DEPDC5: variants seen among roughly 807,000 people sequenced by gnomAD.
The protein encoded by DEPDC5 is DEP domain containing 5, GATOR1 subcomplex subunit, also known as GATOR1 complex protein DEPDC5.
In DEPDC5, 73 loss-of-function variants were observed where a neutral mutation model predicts 217.3. The observed-to-expected ratio is 0.34, with a 90% CI of 0.28 to 0.41. DEPDC5 has a LOEUF of 0.41. Ranked by LOEUF, DEPDC5 falls within the 10% of genes least tolerant of loss-of-function variation. The pLI is 1.00. For missense variants in DEPDC5, 1,675 were observed against 2,070.1 expected (o/e 0.81, Z 3.70); for synonymous variants, 733 against 756.7 (o/e 0.97, Z 0.51).
At chr22:31,808,137 GT>G (rs1049424509) in intron 18 of DEPDC5, among the ~76,000 whole-genome samples, 6 of 151,876 alleles carry the variant, frequency 4.0e-5, no homozygotes, top group African/African-American at 1.5e-4. Context: ...GTCTCGCTCT[GT>G]CATGCCCAGT....
At chr22:31,857,637 C>A in intron 32 of DEPDC5, 84 bp downstream of exon 32, 2 of 1,162,488 alleles carry the variant, frequency 1.7e-6, no homozygotes, top group East Asian at 2.6e-5. Flanking sequence ...CCTTCAGATC[C>A]GGGATTGCAT....
At chr22:31,894,598 G>A (rs1446001306) in intron 39 of DEPDC5, 2 of 152,104 alleles carry the variant, frequency 1.3e-5, no homozygotes, top group Non-Finnish European at 2.9e-5. Context: ...GGAGGTTCAC[G>A]CCTTGGGAGG....
chr22:31,870,394 T>C (rs2092807900), intron 33 of DEPDC5, among the ~76,000 whole-genome samples, 196 bp from the exon 34 acceptor site: 1 of 152,166 alleles, frequency 6.6e-6, no homozygotes, highest in Non-Finnish European at 1.5e-5. Context: ...CAAGACTGGG[T>C]AGAGTCTCTA....
intron 7 of DEPDC5, among the ~76,000 whole-genome samples, chr22:31,771,083 C>T (rs2083315187): frequency 6.6e-6 from 1 of 152,088 alleles, no homozygotes; most frequent in African/African-American, 2.4e-5. Context: ...CGCACGCGGC[C>T]CCCATCAACT....
At chr22:31,842,965 A>T (rs916422523) in intron 27 of DEPDC5, 130 bp from the exon 28 acceptor site, 15 of 702,020 alleles carry the variant, frequency 2.1e-5, no homozygotes, top group Non-Finnish European at 3.0e-5. Context: ...ACCAAGAATA[A>T]CTTTCTTCCA....
At chr22:31,786,972 G>T (rs558008426) in intron 10 of DEPDC5, among the ~76,000 whole-genome samples, 2 of 152,138 alleles carry the variant, frequency 1.3e-5, no homozygotes, top group Admixed American at 1.3e-4. Context: ...TAGAGACAGG[G>T]TTTTACCATG....
chr22:31,850,080 C>T (rs1377574738), intron 31 of DEPDC5, among the ~76,000 whole-genome samples: 2 of 152,092 alleles, frequency 1.3e-5, no homozygotes, highest in African/African-American at 4.8e-5. Flanking sequence ...GATTGTGCCA[C>T]TAAACTCCAG....
chr22:31,826,437 T>C (rs1004266667), intron 24 of DEPDC5: 1 of 422,138 alleles, frequency 2.4e-6, no homozygotes, highest in South Asian at 1.7e-5. Context: ...AGGCATTTCT[T>C]GTGCTCCTCA....
intron 20 of DEPDC5, chr22:31,814,526 T>C (rs182469415): frequency 6.2e-6 from 1 of 161,898 alleles, no homozygotes; most frequent in African/African-American, 2.4e-5. Flanking sequence ...TTTGGCTGAT[T>C]GTTGCCTTGT....
At chr22:31,766,345 C>G (rs555039878) in intron 5 of DEPDC5, among the ~76,000 whole-genome samples, 4 of 152,282 alleles carry the variant, frequency 2.6e-5, no homozygotes, top group South Asian at 2.1e-4. Flanking sequence ...ATGAGTCCCC[C>G]ACTACCCATC....
intron 12 of DEPDC5, among the ~76,000 whole-genome samples, chr22:31,793,370 A>G (rs1164161117): frequency 6.6e-6 from 1 of 152,140 alleles, no homozygotes; most frequent in Non-Finnish European, 1.5e-5. Context: ...ACATTCAGAG[A>G]AGAAGAGCAA....
Position 31,802,771 on chromosome 22 carries a change from C to G in DEPDC5, c.1014C>G (p.Pro338=). 1.2e-6 allele frequency: 2 copies of G among 1,605,678 alleles called. No homozygotes were observed. Among genetic ancestry groups the G allele is most frequent in the African/African-American group, 1.3e-5 (1 of 74,738 alleles). The change falls in exon 15 of 43, where the codon CCC becomes CCG. Residue 338 remains proline (P), a synonymous_variant. Coordinates refer to ENST00000651528, the MANE Select transcript of DEPDC5 (RefSeq NM_001242896.3). ...RTGQMSVVIT[P]GVGVFEVDRL... ...GGCAGATGTCAGTGGTGATCACGCC[C>G]GGGGTGGGTGTCTTTGAAGTGGACC...
chr22:31,842,056 CT>C (rs1252079676), intron 27 of DEPDC5, among the ~76,000 whole-genome samples: 4 of 152,218 alleles, frequency 2.6e-5, no homozygotes, highest in Admixed American at 2.6e-4. Context: ...GGACATGGCA[CT>C]TTATCAGGTG....
rs554872197 is a variant in DEPDC5 at position 31,854,456 on chromosome 22, C to T, written c.3156-2989C>T. On this transcript the variant is annotated intron_variant, in intron 31 of 42. Transcript: ENST00000651528. ...AGTGGACAAGGAAAATAATCTAGCA[C>T]CTAGTTTTTTGTCCTGTGAATTACA... is the stretch of plus-strand genomic sequence containing the variant. 1.1e-4 allele frequency among the ~76,000 whole-genome samples: 16 copies of T among 152,284 alleles called. No individual in the cohort carries two copies. In the East Asian group the frequency reaches 2.9e-3, roughly 28 times the overall value.
chr22:31,793,969 T>A (rs1252560989), intron 12 of DEPDC5, among the ~76,000 whole-genome samples: 1 of 152,170 alleles, frequency 6.6e-6, no homozygotes, highest in Non-Finnish European at 1.5e-5. Context: ...TTTACATGAC[T>A]TGATTTATTT....
chr22:31,803,309 C>G (rs2087087329), intron 15 of DEPDC5, among the ~76,000 whole-genome samples: 1 of 151,974 alleles, frequency 6.6e-6, no homozygotes, highest in South Asian at 2.1e-4. Flanking sequence ...CTCCTGGGTT[C>G]ACACTATTCT....
intron 28 of DEPDC5, 105 bp from the exon 29 acceptor site, chr22:31,843,540 G>A (rs1287139094): frequency 2.2e-6 from 3 of 1,375,838 alleles, no homozygotes; most frequent in African/African-American, 2.9e-5. Flanking sequence ...CAGTTGAGGG[G>A]TAAATGTCAA....
intron 17 of DEPDC5, among the ~76,000 whole-genome samples, chr22:31,805,879 C>T (rs2087467759): frequency 6.6e-6 from 1 of 152,076 alleles, no homozygotes; most frequent in Non-Finnish European, 1.5e-5. Flanking sequence ...GGGAGGAATG[C>T]TTGAGGCCAG....
intron 33 of DEPDC5, among the ~76,000 whole-genome samples, chr22:31,867,070 T>C (rs952328703): frequency 3.9e-5 from 6 of 152,220 alleles, no homozygotes; most frequent in Admixed American, 6.5e-5. Flanking sequence ...GAGTCCTTTT[T>C]TCGGACAAGG....
Sources: gnomAD v4.1 joint callset for allele counts (sites outside exome capture counted in the v4.1 genomes callset) on GRCh38, gnomAD v4.1.1 for gene constraint, MANE v1.5 for transcripts, NCBI Gene and HGNC (gene_info 2026-07-23, HGNC 2026-07-21) for gene names.